The following CTNNA3 variants were observed in gnomAD, a reference collection of about 807,000 sequenced individuals.
The protein encoded by CTNNA3 is catenin alpha-3.
A neutral mutation model predicts 95.7 loss-of-function variants in CTNNA3; 76 were observed. That is an observed-to-expected ratio of 0.79 (90% CI 0.66 to 0.96). The LOEUF (loss-of-function observed/expected upper bound fraction) is 0.96. Ranked by LOEUF, CTNNA3 falls within the 40% of genes least tolerant of loss-of-function variation. The pLI is 0.00. For missense variants in CTNNA3, 1,191 were observed against 1,089.8 expected, an observed-to-expected ratio of 1.09 and a Z score of -1.31; for synonymous variants, 431 against 374.4, an observed-to-expected ratio of 1.15 and a Z score of -1.74.
At chr10:66,608,198 T>C (rs1045832515) in intron 10 of CTNNA3, among the ~76,000 whole-genome samples, 1 of 152,018 alleles carries the variant, frequency 6.6e-6, no homozygotes, top group Non-Finnish European at 1.5e-5. Context: ...CCATCCACAA[T>C]TGCCACAGAA....
chr10:66,808,155 C>G (rs1841731222), intron 7 of CTNNA3, among the ~76,000 whole-genome samples: 1 of 152,028 alleles, frequency 6.6e-6, no homozygotes, highest in African/African-American at 2.4e-5. Context: ...TTTTATTGGA[C>G]AGTAAGTTCA....
chr10:67,431,691 T>G (rs1227824402), intron 5 of CTNNA3, among the ~76,000 whole-genome samples: 1 of 151,962 alleles, frequency 6.6e-6, no homozygotes. Context: ...AAATACCCAT[T>G]AAACCAAGAT....
intron 5 of CTNNA3, among the ~76,000 whole-genome samples, chr10:67,359,180 T>C (rs1842916064): frequency 6.8e-6 from 1 of 146,130 alleles, no homozygotes; most frequent in Admixed American, 6.9e-5. Context: ...CTATATACAG[T>C]CAAACCCTCA....
chr10:66,229,739 T>A (rs769018824), intron 13 of CTNNA3, among the ~76,000 whole-genome samples: 1 of 152,116 alleles, frequency 6.6e-6, no homozygotes, highest in African/African-American at 2.4e-5. Flanking sequence ...TTTTTTAGCT[T>A]CTTAATCTGG....
intron 12 of CTNNA3, among the ~76,000 whole-genome samples, chr10:66,377,520 T>C (rs2092804532): frequency 6.6e-6 from 1 of 152,052 alleles, no homozygotes; most frequent in Admixed American, 6.6e-5. Flanking sequence ...ACTGTAAACC[T>C]GGTACCTCAA....
rs199940048 is a variant in CTNNA3, at chr10:66,379,161, T to C, written c.1723A>G (p.Thr575Ala). ...TTGGCAACTGACTTACCAGTACTTG[T>C]AAGGAAGTTAACATTTCTCATTACA... ...EGVMRNVNFLTSTVIPEFVTQ... is the reference protein window; with the variant it reads ...EGVMRNVNFLASTVIPEFVTQ... The change falls in exon 12 of 18, where the codon ACA becomes GCA. Residue 575 changes from threonine to alanine, a missense_variant. Physicochemically the swap from Thr to Ala is moderately conservative, Grantham distance 58. Coordinates refer to ENST00000433211, the MANE Select transcript of CTNNA3 (RefSeq NM_013266.4). 3.1e-6 allele frequency: 5 copies of C among 1,613,508 alleles called. No homozygotes were observed. The highest frequency in any genetic ancestry group is 3.3e-5 in the Admixed American group (2 of 60,014).
intron 15 of CTNNA3, among the ~76,000 whole-genome samples, chr10:66,055,055 T>G (rs1369122915): frequency 6.6e-6 from 1 of 152,130 alleles, no homozygotes; most frequent in Non-Finnish European, 1.5e-5. Flanking sequence ...TATTTCTGGG[T>G]TCTCTATTCT....
At chr10:66,794,279 G>A (rs1410408490) in intron 7 of CTNNA3, among the ~76,000 whole-genome samples, 2 of 152,002 alleles carry the variant, frequency 1.3e-5, no homozygotes, top group African/African-American at 2.4e-5. Context: ...TCAAGTACAG[G>A]AATACCTCAA....
At chr10:67,504,224 G>A (rs1055251610) in intron 5 of CTNNA3, among the ~76,000 whole-genome samples, 7 of 149,300 alleles carry the variant, frequency 4.7e-5, no homozygotes, top group Non-Finnish European at 8.9e-5. Context: ...AGGCTGAGGC[G>A]GGTGGATCAC....
At chr10:66,580,991 C>T (rs1187940222) in intron 10 of CTNNA3, among the ~76,000 whole-genome samples, 4 of 151,666 alleles carry the variant, frequency 2.6e-5, no homozygotes, top group African/African-American at 9.7e-5. Flanking sequence ...AAGAGAGAAC[C>T]TTCAGTATCT....
chr10:66,341,803 G>A (rs994148946), intron 12 of CTNNA3, among the ~76,000 whole-genome samples: 5 of 151,880 alleles, frequency 3.3e-5, no homozygotes, highest in African/African-American at 4.8e-5. Flanking sequence ...CTGTGTGCTG[G>A]TCAGGGGGTT....
In CTNNA3 at chr10:66,369,553, C is replaced by A. The variant is rs138349630; in HGVS notation, c.1732+9599G>T. Among the ~76,000 whole-genome samples the A allele has an allele frequency of 6.1e-3, 922 of 152,162 alleles. 8 individuals carry two copies. The highest frequency in any genetic ancestry group is 0.02 in the African/African-American group (832 of 41,522). The stretch of plus-strand genomic sequence containing the variant: ...TAAGTTTTAGGGTACATGTGCGCAA[C>A]GTGCAGGTTAGTTACACATAATTTT... On this transcript the variant is annotated intron_variant, in intron 12 of 17. Coordinates refer to ENST00000433211, the MANE Select transcript of CTNNA3 (RefSeq NM_013266.4).
intron 13 of CTNNA3, among the ~76,000 whole-genome samples, chr10:66,147,643 C>T (rs1161231123): frequency 2.1e-5 from 3 of 141,902 alleles, no homozygotes; most frequent in Non-Finnish European, 4.5e-5. Flanking sequence ...CGTTGTTGCG[C>T]CAATGCTCTT....
chr10:66,962,382 A>T (rs1849156791), intron 7 of CTNNA3, among the ~76,000 whole-genome samples: 1 of 150,344 alleles, frequency 6.7e-6, no homozygotes, highest in Admixed American at 6.6e-5. Flanking sequence ...CAACTCCTCT[A>T]AGTTTTTTTT....
chr10:66,243,577 T>A (rs961497029), intron 13 of CTNNA3, among the ~76,000 whole-genome samples: 1 of 152,172 alleles, frequency 6.6e-6, no homozygotes, highest in East Asian at 1.9e-4. Context: ...AAGCCCCGGC[T>A]TTGAGTTGTC....
At chr10:66,337,604 C>T (rs1197540075) in intron 12 of CTNNA3, among the ~76,000 whole-genome samples, 1 of 151,860 alleles carries the variant, frequency 6.6e-6, no homozygotes, top group Non-Finnish European at 1.5e-5. Flanking sequence ...CTGGCTCAGT[C>T]TCAAAAAAGA....
intron 3 of CTNNA3, among the ~76,000 whole-genome samples, chr10:67,558,613 C>A (rs1841345511): frequency 6.6e-6 from 1 of 152,226 alleles, no homozygotes; most frequent in South Asian, 2.1e-4. Context: ...GTTCATCTCA[C>A]TAGGGCGTGC....
chr10:66,963,173 G>A (rs968875810), intron 7 of CTNNA3, among the ~76,000 whole-genome samples: 2 of 152,122 alleles, frequency 1.3e-5, no homozygotes, highest in Non-Finnish European at 2.9e-5. Flanking sequence ...TAGAAATACT[G>A]TAAAAACTAA....
intron 15 of CTNNA3, among the ~76,000 whole-genome samples, chr10:66,052,022 T>G (rs2079969941): frequency 6.6e-6 from 1 of 152,088 alleles, no homozygotes; most frequent in South Asian, 2.1e-4. Context: ...TTGAAGCCAG[T>G]AAAAATTCCA....
Sources: allele counts gnomAD v4.1 joint callset (sites outside exome capture counted in the v4.1 genomes callset), GRCh38; gene constraint gnomAD v4.1.1; transcripts MANE v1.5; gene names NCBI Gene and HGNC (gene_info 2026-07-23, HGNC 2026-07-21).